The following CPNE8 variants were observed in gnomAD, a reference collection of about 807,000 sequenced individuals.
The protein encoded by CPNE8 is copine 8, also known as copine-8.
Under a neutral mutation model 81.5 loss-of-function variants are expected in CPNE8, and 45 were observed. The observed-to-expected ratio is 0.55, with a 90% CI of 0.44 to 0.71. CPNE8 has a LOEUF of 0.71. Ranked by LOEUF, CPNE8 falls within the 30% of genes least tolerant of loss-of-function variation. The pLI, the probability that CPNE8 is intolerant of heterozygous loss-of-function variation, is 0.00. For synonymous variants in CPNE8, 252 were observed against 226.3 expected (o/e 1.11, Z -1.02); for missense variants, 594 against 672.1 (o/e 0.88, Z 1.28).
intron 6 of CPNE8, among the ~76,000 whole-genome samples, chr12:38,785,234 T>C (rs1201918668): frequency 6.7e-6 from 1 of 149,850 alleles, no homozygotes; most frequent in Non-Finnish European, 1.5e-5. Flanking sequence ...TAAGAAATCA[T>C]CTGAAGGTAC....
intron 3 of CPNE8, among the ~76,000 whole-genome samples, chr12:38,853,704 A>G (rs1943683095): frequency 6.6e-6 from 1 of 152,126 alleles, no homozygotes; most frequent in African/African-American, 2.4e-5. Context: ...GCTTGAGCTA[A>G]TTGGAAAAAT....
intron 10 of CPNE8, among the ~76,000 whole-genome samples, chr12:38,754,227 G>C (rs940665841): frequency 6.6e-6 from 1 of 152,076 alleles, no homozygotes. Flanking sequence ...AAGAGCACAG[G>C]ACAAACACCA....
At chr12:38,693,919 A>T in intron 14 of CPNE8, 81 bp from the exon 15 acceptor site, 1 of 1,140,552 alleles carries the variant, frequency 8.8e-7, no homozygotes, top group Non-Finnish European at 1.2e-6. Flanking sequence ...TCTATTTCAG[A>T]ATGAAATATT....
chr12:38,905,574 C>T lies in CPNE8; in HGVS notation c.-40G>A. On this transcript the variant is annotated 5_prime_UTR_variant, in exon 1 of 20. Coordinates refer to ENST00000331366, the MANE Select transcript of CPNE8 (RefSeq NM_153634.3). Reference sequence around the variant, plus strand: ...CCTTGGACTTGTCCGGCGCCCACAACCACAGCTCGGGCGGACTGAGGGCTA... The same window carrying T: ...CCTTGGACTTGTCCGGCGCCCACAATCACAGCTCGGGCGGACTGAGGGCTA... The T allele has an allele frequency of 6.5e-7, 1 of 1,544,056 alleles. No homozygotes were observed. The highest frequency in any genetic ancestry group is 8.7e-7 in the Non-Finnish European group (1 of 1,146,164).
chr12:38,796,056 T>A (rs894194206), intron 6 of CPNE8, among the ~76,000 whole-genome samples: 4 of 152,044 alleles, frequency 2.6e-5, no homozygotes, highest in African/African-American at 9.7e-5. Context: ...AGTTCAGGAG[T>A]TAGAGACCAG....
intron 1 of CPNE8, among the ~76,000 whole-genome samples, chr12:38,887,289 G>C (rs1046900708): frequency 2.0e-5 from 3 of 152,106 alleles, no homozygotes; most frequent in African/African-American, 7.2e-5. Context: ...CTCCAGGCAG[G>C]GGGTACTAGG....
At chr12:38,669,702 G>A (rs1939131837) in intron 19 of CPNE8, among the ~76,000 whole-genome samples, 1 of 152,170 alleles carries the variant, frequency 6.6e-6, no homozygotes, top group African/African-American at 2.4e-5. Flanking sequence ...GACAGCTTGA[G>A]CACAGAGGGA....
intron 6 of CPNE8, among the ~76,000 whole-genome samples, chr12:38,797,237 C>G (rs1316884573): frequency 6.6e-6 from 1 of 152,204 alleles, no homozygotes; most frequent in Admixed American, 6.5e-5. Flanking sequence ...AACGGGCAGA[C>G]TGCCTCCTCA....
intron 4 of CPNE8, among the ~76,000 whole-genome samples, chr12:38,844,161 T>G (rs187651940): frequency 1.1e-4 from 17 of 152,326 alleles, no homozygotes; most frequent in African/African-American, 3.8e-4. Flanking sequence ...TATTACCATT[T>G]TATTTATCAA....
intron 4 of CPNE8, 152 bp downstream of exon 4, chr12:38,848,407 G>C: frequency 2.4e-6 from 3 of 1,267,678 alleles, no homozygotes; most frequent in Non-Finnish European, 3.1e-6. Context: ...ATGCAAAGCA[G>C]GGGGCTTGCT....
At chr12:38,766,973 T>C (rs1941703859) in intron 8 of CPNE8, among the ~76,000 whole-genome samples, 1 of 152,134 alleles carries the variant, frequency 6.6e-6, no homozygotes, top group Non-Finnish European at 1.5e-5. Flanking sequence ...GCCATAGTAC[T>C]ATAGCTATTA....
chr12:38,746,938 A>G (rs1454464464), intron 10 of CPNE8, among the ~76,000 whole-genome samples: 1 of 152,194 alleles, frequency 6.6e-6, no homozygotes, highest in African/African-American at 2.4e-5. Context: ...ATGAGGAAAC[A>G]TCTAAGACGT....
chr12:38,718,396 A>C (rs1160149676), intron 13 of CPNE8, among the ~76,000 whole-genome samples: 1 of 152,208 alleles, frequency 6.6e-6, no homozygotes, highest in Non-Finnish European at 1.5e-5. Flanking sequence ...GAGAAGACAA[A>C]AAGTTCTGAA....
intron 18 of CPNE8, 42 bp from the exon 19 acceptor site, chr12:38,670,844 C>A: frequency 7.1e-7 from 1 of 1,406,616 alleles, no homozygotes; most frequent in Non-Finnish European, 9.9e-7. Flanking sequence ...ACATTTTAGC[C>A]AAATACTAAA....
intron 6 of CPNE8, among the ~76,000 whole-genome samples, chr12:38,809,459 CTATCT>C (rs1310907099): frequency 6.6e-6 from 1 of 152,122 alleles, no homozygotes; most frequent in Admixed American, 6.6e-5. Context: ...GATAATCTTC[CTATCT>C]TAAGGTCAGC....
At chr12:38,754,147 G>GGC (rs1941410130) in intron 10 of CPNE8, among the ~76,000 whole-genome samples, 1 of 152,148 alleles carries the variant, frequency 6.6e-6, no homozygotes, top group Admixed American at 6.5e-5. Context: ...GACCTGAACA[G>GGC]AATATCAACA....
chr12:38,816,027 T>C (rs1239415709), intron 6 of CPNE8, among the ~76,000 whole-genome samples: 1 of 152,162 alleles, frequency 6.6e-6, no homozygotes, highest in African/African-American at 2.4e-5. Context: ...TATCTATCTA[T>C]CCATCTACAG....
rs774814014 is a variant in CPNE8 at position 38,795,861 on chromosome 12, ATG to A, written c.408-19562_408-19561del. Among the ~76,000 whole-genome samples, 287 of 133,692 alleles carry A rather than the reference ATG, an allele frequency of 2.1e-3. 3 individuals are homozygous for A. The highest frequency in any genetic ancestry group is 3.4e-3 in the Non-Finnish European group (215 of 62,952). The allele number at this position is 133,692 out of a possible 152,430, so 87.7% of individuals were successfully genotyped here. A position where few individuals can be genotyped will look rare whatever the true frequency, so the allele number is the denominator to read the frequency against. On this transcript the variant is annotated intron_variant, in intron 6 of 19. Coordinates refer to ENST00000331366, the MANE Select transcript of CPNE8 (RefSeq NM_153634.3). ...AAATGGTAAATATGATGATAGATGG[ATG>A]GATGGATAGATAGATAGATAGATAG...
At chr12:38,828,188 A>G (rs1318703717) in intron 6 of CPNE8, among the ~76,000 whole-genome samples, 2 of 152,210 alleles carry the variant, frequency 1.3e-5, no homozygotes, top group East Asian at 1.9e-4. Flanking sequence ...CCTTGTGAGC[A>G]TAAGTCACTA....
Sources: gnomAD v4.1 joint callset for allele counts (sites outside exome capture counted in the v4.1 genomes callset) on GRCh38, gnomAD v4.1.1 for gene constraint, MANE v1.5 for transcripts, NCBI Gene and HGNC (gene_info 2026-07-23, HGNC 2026-07-21) for gene names.